The following SIK3 variants were observed in gnomAD, a reference collection of about 807,000 sequenced individuals.
SIK3 encodes SIK family kinase 3.
Under a neutral mutation model 144.2 loss-of-function variants are expected in SIK3, and 28 were observed. The ratio of observed to expected loss-of-function variants is 0.19; its 90% CI spans 0.14 to 0.27. SIK3 has a LOEUF of 0.27. Among genes scored for constraint, SIK3 ranks in the 10% least tolerant of loss-of-function variants. The pLI is 1.00. For missense variants in SIK3, 1,319 were observed against 1,776.0 expected (o/e 0.74, Z 4.62); for synonymous variants, 686 against 676.3 (o/e 1.01, Z -0.22).
At chr11:116,904,316 A>C (rs1945905230) in intron 4 of SIK3, among the ~76,000 whole-genome samples, 1 of 152,178 alleles carries the variant, frequency 6.6e-6, no homozygotes, top group East Asian at 1.9e-4. Flanking sequence ...AGTTCAAGTG[A>C]CAAGCAAGAC....
At chr11:116,894,976 T>A (rs1475633362) in intron 6 of SIK3, among the ~76,000 whole-genome samples, 1 of 152,258 alleles carries the variant, frequency 6.6e-6, no homozygotes, top group African/African-American at 2.4e-5. Flanking sequence ...TTTTTCAATT[T>A]TTTTGTATGT....
intron 1 of SIK3, among the ~76,000 whole-genome samples, chr11:116,980,055 C>T (rs1358453285): frequency 1.3e-5 from 2 of 152,158 alleles, no homozygotes; most frequent in Non-Finnish European, 2.9e-5. Flanking sequence ...ATTTACTCTA[C>T]TCTGTATCCT....
At position 116,940,170 on chromosome 11, in the gene SIK3, T is replaced by A. The variant is rs144652626; in HGVS notation, c.455-12790A>T. Among the ~76,000 whole-genome samples, 481 of 152,304 alleles carry A rather than the reference T, an allele frequency of 3.2e-3. 4 individuals are homozygous for A. Among genetic ancestry groups the A allele is most frequent in the African/African-American group, 0.011 (462 of 41,554 alleles). On this transcript the variant is annotated intron_variant, in intron 3 of 24. Coordinates refer to ENST00000445177, the MANE Select transcript of SIK3 (RefSeq NM_001366686.3). ...ATAATAACAAACACAGGGTTATGAT[T>A]TTCAGAGAAAGTAAATGTTAATGTA...
chr11:117,091,677 A>G (rs1955254750), intron 1 of SIK3, among the ~76,000 whole-genome samples: 1 of 152,194 alleles, frequency 6.6e-6, no homozygotes. Context: ...TACAGTGAGA[A>G]AGAATATAAG....
intron 12 of SIK3, 133 bp downstream of exon 12, chr11:116,873,770 C>G (rs184810010): frequency 6.8e-7 from 1 of 1,465,942 alleles, no homozygotes; most frequent in Non-Finnish European, 9.2e-7. Context: ...CCCGCTCACC[C>G]GAGCTACTTT....
chr11:117,087,675 G>A lies in SIK3; in HGVS notation c.273+10468C>T, dbSNP rs544513501. On this transcript the variant is annotated intron_variant, in intron 1 of 24. Transcript: ENST00000445177. ...GTGTGGCTTGCAGTGAGCCAAGCCT[G>A]CTCATACACTGCTCAGGAGGTTAAT... Among the ~76,000 whole-genome samples, 5 of 152,296 alleles carry A rather than the reference G, an allele frequency of 3.3e-5. No individual in the cohort carries two copies. The South Asian group carries it at 1.0e-3, about 32-fold the overall frequency.
intron 1 of SIK3, among the ~76,000 whole-genome samples, chr11:117,070,714 G>A (rs1166139997): frequency 6.6e-6 from 1 of 151,498 alleles, no homozygotes; most frequent in African/African-American, 2.4e-5. Flanking sequence ...CCAAAGTGCT[G>A]GGGTTACAGG....
intron 4 of SIK3, among the ~76,000 whole-genome samples, chr11:116,918,099 TG>T (rs1043050728): frequency 3.3e-5 from 5 of 152,222 alleles, no homozygotes; most frequent in Admixed American, 2.6e-4. Flanking sequence ...TTACAATAGT[TG>T]TATATATTTA....
chr11:116,929,231 A>G lies in SIK3; in HGVS notation c.455-1851T>C, dbSNP rs565474018. On this transcript the variant is annotated intron_variant, in intron 3 of 24. Coordinates refer to ENST00000445177, the MANE Select transcript of SIK3 (RefSeq NM_001366686.3). Reference sequence around the variant, plus strand: ...AACCCAAGGCCTAATTATTCTAATAATATGTTTTAGTTGCTAAACCTTGTC... The same window carrying G: ...AACCCAAGGCCTAATTATTCTAATAGTATGTTTTAGTTGCTAAACCTTGTC... Among the ~76,000 whole-genome samples the G allele has an allele frequency of 3.3e-5, 5 of 152,334 alleles. No individual in the cohort carries two copies. The South Asian group carries it at 1.0e-3, about 32-fold the overall frequency.
At chr11:117,013,916 G>GTGTGTGTGTGTGTGTGTA (rs1565556708) in intron 1 of SIK3, among the ~76,000 whole-genome samples, 7 of 69,552 alleles carry the variant, frequency 1.0e-4, no homozygotes, top group South Asian at 4.7e-4. Context: ...GGGGGGGAGG[G>GTGTGTGTGTGTGTGTGTA]TGTGTGTGTG....
At chr11:116,976,587 T>A (rs1949954753) in intron 1 of SIK3, among the ~76,000 whole-genome samples, 1 of 152,252 alleles carries the variant, frequency 6.6e-6, no homozygotes, top group Non-Finnish European at 1.5e-5. Flanking sequence ...TTTATCTGTC[T>A]GCTAGGACCA....
intron 3 of SIK3, among the ~76,000 whole-genome samples, chr11:116,931,572 C>T (rs1205528488): frequency 6.6e-6 from 1 of 152,150 alleles, no homozygotes; most frequent in Non-Finnish European, 1.5e-5. Flanking sequence ...AAGCAATAGG[C>T]AGAAATACCA....
intron 1 of SIK3, among the ~76,000 whole-genome samples, chr11:116,986,090 G>T (rs915746876): frequency 1.3e-5 from 2 of 152,096 alleles, no homozygotes; most frequent in South Asian, 2.1e-4. Context: ...TGATATTTTA[G>T]ACATATAGCG....
rs563318280 is a variant in SIK3, at chr11:116,858,441, T to C, written c.3024A>G (p.Thr1008=). 7.9e-5 allele frequency: 127 copies of C among 1,607,762 alleles called. 2 individuals carry two copies. The South Asian group carries it at 1.4e-3, about 17-fold the overall frequency. Residue 1008 remains threonine, a synonymous_variant, in exon 21 of 25, where the codon ACA becomes ACG. Coordinates refer to ENST00000445177, the MANE Select transcript of SIK3 (RefSeq NM_001366686.3). The surrounding 1 kb of genome is among the most constrained non-coding windows in gnomAD (Gnocchi z 5.4). ...ALLSPTPPDY[T]RHQQVPHILQ... ...GGATGTGGGGTACCTGCTGGTGTCT[T>C]GTATAGTCTGGCGGCGTGGGAGACA...
chr11:117,093,671 TAA>T (rs200833598), intron 1 of SIK3, among the ~76,000 whole-genome samples: 9 of 136,366 alleles, frequency 6.6e-5, no homozygotes, highest in Admixed American at 7.7e-5. Context: ...CATTGCTATT[TAA>T]AAAAAAAAAA....
chr11:116,896,481 T>G, intron 5 of SIK3, 105 bp from the exon 6 acceptor site: 1 of 1,244,770 alleles, frequency 8.0e-7, no homozygotes, highest in Non-Finnish European at 1.1e-6. Flanking sequence ...CATACGATTA[T>G]GGAACAAACT....
intron 4 of SIK3, among the ~76,000 whole-genome samples, chr11:116,900,923 G>A (rs1044153222): frequency 1.3e-5 from 2 of 151,138 alleles, no homozygotes; most frequent in Non-Finnish European, 2.9e-5. Context: ...GGAGTGCAGT[G>A]GTGCGATCTT....
At chr11:117,023,605 C>CAAAAA (rs1306485013) in intron 1 of SIK3, among the ~76,000 whole-genome samples, 209 of 63,974 alleles carry the variant, frequency 3.3e-3, no homozygotes, top group Admixed American at 4.7e-3. Context: ...AACAAACAAA[C>CAAAAA]AAACAAAAAA....
intron 1 of SIK3, among the ~76,000 whole-genome samples, chr11:116,986,750 T>A (rs1451035086): frequency 6.6e-6 from 1 of 152,230 alleles, no homozygotes; most frequent in Non-Finnish European, 1.5e-5. Context: ...GAAGACTGAC[T>A]GATACTCTAA....
Sources: allele counts gnomAD v4.1 joint callset (sites outside exome capture counted in the v4.1 genomes callset), GRCh38; gene constraint gnomAD v4.1.1; non-coding constraint Gnocchi (gnomAD v3.1); transcripts MANE v1.5; gene names NCBI Gene and HGNC (gene_info 2026-07-23, HGNC 2026-07-21).